JPH3: variants seen among roughly 807,000 people sequenced by gnomAD.
JPH3 encodes the protein junctophilin-3.
A neutral mutation model predicts 59.6 loss-of-function variants in JPH3; 11 were observed. The ratio of observed to expected loss-of-function variants is 0.18; its 90% CI spans 0.12 to 0.31. The LOEUF (loss-of-function observed/expected upper bound fraction) is 0.31. Ranked by LOEUF, JPH3 falls within the 10% of genes least tolerant of loss-of-function variation. JPH3 has a pLI of 1.00. For synonymous variants in JPH3, 673 were observed against 483.6 expected (o/e 1.39, Z -5.14); for missense variants, 1,202 against 1,105.7 (o/e 1.09, Z -1.24).
At chr16:87,680,672 G>C (rs1254659889) in intron 2 of JPH3, among the ~76,000 whole-genome samples, 1 of 152,144 alleles carries the variant, frequency 6.6e-6, no homozygotes, top group African/African-American at 2.4e-5. Context: ...CCACAGGTGG[G>C]AGCCATAGGC....
intron 1 of JPH3, among the ~76,000 whole-genome samples, chr16:87,633,520 G>C (rs2031632642): frequency 6.6e-6 from 1 of 151,744 alleles, no homozygotes; most frequent in African/African-American, 2.4e-5. Context: ...TTAAATGATG[G>C]GCGGGGCGCG....
intron 2 of JPH3, among the ~76,000 whole-genome samples, chr16:87,656,805 G>A (rs2032517481): frequency 6.6e-6 from 1 of 152,150 alleles, no homozygotes; most frequent in Non-Finnish European, 1.5e-5. Context: ...ACGATAGAGT[G>A]GGTGGCAGAA....
chr16:87,613,308 C>T (rs1315707386), intron 1 of JPH3, among the ~76,000 whole-genome samples: 3 of 151,550 alleles, frequency 2.0e-5, no homozygotes, highest in Non-Finnish European at 2.9e-5. Flanking sequence ...ACCGTGTTAG[C>T]CAGGATGGTC....
Position 87,677,844 on chromosome 16 carries a change from C to G in JPH3, c.1161-6298C>G, listed in dbSNP as rs114428346. On this transcript the variant is annotated intron_variant, in intron 2 of 4. Coordinates refer to ENST00000284262, the MANE Select transcript of JPH3 (RefSeq NM_020655.4). ...AACCACAATCACAGAATTGTGTAAACGAGGTAAAGCCGGAGGCCTGAGATT... is the reference window on the plus strand; with the variant it reads ...AACCACAATCACAGAATTGTGTAAAGGAGGTAAAGCCGGAGGCCTGAGATT... Among the ~76,000 whole-genome samples the G allele has an allele frequency of 8.9e-3, 1,363 of 152,308 alleles. 15 individuals are homozygous for G. The highest frequency in any genetic ancestry group is 0.031 in the African/African-American group (1,304 of 41,552).
intron 1 of JPH3, among the ~76,000 whole-genome samples, chr16:87,636,826 T>G (rs2031765367): frequency 6.6e-6 from 1 of 152,200 alleles, no homozygotes; most frequent in South Asian, 2.1e-4. Context: ...CGCTTAAACC[T>G]AGAGGTGGGT....
At position 87,690,571 on chromosome 16, in the gene JPH3, A is replaced by C. The variant is rs370391919; in HGVS notation, c.2166+45A>C. 2.2e-5 allele frequency: 32 copies of C among 1,426,302 alleles called. No homozygotes were observed. In the African/African-American group the frequency reaches 3.9e-4, roughly 17 times the overall value. 88.4% of individuals were successfully genotyped at this position (1,426,302 alleles called of 1,614,324 possible). Reference sequence around the variant, plus strand: ...GCTGGTCCCAGTGGAGGCAACATCCACCTCTCTGCTGACCTGGTGTTTCCT... The same window carrying C: ...GCTGGTCCCAGTGGAGGCAACATCCCCCTCTCTGCTGACCTGGTGTTTCCT... On this transcript the variant is annotated intron_variant, in intron 4 of 4. Coordinates refer to ENST00000284262, the MANE Select transcript of JPH3 (RefSeq NM_020655.4).
chr16:87,660,326 A>G (rs1295527226), intron 2 of JPH3, among the ~76,000 whole-genome samples: 5 of 152,126 alleles, frequency 3.3e-5, no homozygotes, highest in Admixed American at 6.5e-5. Flanking sequence ...AGGGGGCTGC[A>G]GGGAGGGCAC....
At chr16:87,657,677 C>T (rs1175542360) in intron 2 of JPH3, among the ~76,000 whole-genome samples, 2 of 152,196 alleles carry the variant, frequency 1.3e-5, no homozygotes, top group Admixed American at 1.3e-4. Flanking sequence ...CCTCTTCTGT[C>T]TTGAGCCAGT....
chr16:87,659,665 G>A (rs35978140), intron 2 of JPH3, among the ~76,000 whole-genome samples: 5,635 of 151,928 alleles, frequency 0.037, 141 homozygotes, highest in South Asian at 0.063. Context: ...CGCAGGAGAC[G>A]AAGGTTGCAG....
intron 1 of JPH3, among the ~76,000 whole-genome samples, chr16:87,615,346 G>A (rs956695319): frequency 1.3e-5 from 2 of 152,184 alleles, no homozygotes; most frequent in South Asian, 4.1e-4. Flanking sequence ...CCCCCTTCCG[G>A]AGGCCCCGTA....
At chr16:87,645,603 G>C (rs2032120758) in intron 2 of JPH3, among the ~76,000 whole-genome samples, 1 of 152,232 alleles carries the variant, frequency 6.6e-6, no homozygotes, top group Admixed American at 6.5e-5. Flanking sequence ...TTCTGAATCG[G>C]CTGCATGACT....
Position 87,684,280 on chromosome 16 carries a change from G to A in JPH3, c.1285+14G>A, listed in dbSNP as rs780314293. 8 of 1,613,512 alleles carry A rather than the reference G, an allele frequency of 5.0e-6. No homozygotes were observed. Among genetic ancestry groups the A allele is most frequent in the Non-Finnish European group, 6.8e-6 (8 of 1,179,784 alleles). On this transcript the variant is annotated intron_variant, in intron 3 of 4. Coordinates refer to ENST00000284262, the MANE Select transcript of JPH3 (RefSeq NM_020655.4). The stretch of plus-strand genomic sequence containing the variant: ...ACCGGGAAAACGGTGAGTCTCGCCG[G>A]GCCTGATACTGGCATCGTGGGGAGG...
At chr16:87,604,543 C>T (rs529160036) in intron 1 of JPH3, 1 of 1,257,806 alleles carries the variant, frequency 8.0e-7, no homozygotes, top group South Asian at 1.5e-5. Flanking sequence ...TCGGGCGGCT[C>T]GCCTGTTTCA....
In JPH3 at chr16:87,614,895, CGGG is replaced by C. The variant is rs2030894814; in HGVS notation, c.382+11368_382+11370del. Among the ~76,000 whole-genome samples the C allele has an allele frequency of 6.2e-5, 7 of 112,366 alleles. 1 individual carries two copies. The highest frequency in any genetic ancestry group is 1.8e-4 in the Admixed American group (2 of 10,932). 73.7% of individuals were successfully genotyped at this position (112,366 alleles called of 152,430 possible). ...ACACGAGGAGCCGCGCGTCCCCTCC[CGGG>C]ATAAACGCTGGTCCCTGCACACACG... On this transcript the variant is annotated intron_variant, in intron 1 of 4. Transcript: ENST00000284262.
In JPH3 at chr16:87,617,180, G is replaced by A. The variant is rs367801875; in HGVS notation, c.382+13652G>A. Among the ~76,000 whole-genome samples, 144 of 152,300 alleles carry A rather than the reference G, an allele frequency of 9.5e-4. 1 individual carries two copies. The highest frequency in any genetic ancestry group is 3.4e-3 in the Middle Eastern group (1 of 294). ...GGAGGTTGCAGTGAGCCGAGATTGC[G>A]CCGTTGCACTCCAGCCTGGGTGACA... is the stretch of plus-strand genomic sequence containing the variant. On this transcript the variant is annotated intron_variant, in intron 1 of 4. Coordinates refer to ENST00000284262, the MANE Select transcript of JPH3 (RefSeq NM_020655.4).
At chr16:87,625,952 C>A (rs1366261923) in intron 1 of JPH3, among the ~76,000 whole-genome samples, 1 of 152,224 alleles carries the variant, frequency 6.6e-6, no homozygotes, top group Non-Finnish European at 1.5e-5. Context: ...AGCGCACGTT[C>A]CACGGGACAG....
chr16:87,664,424 A>T (rs58570171), intron 2 of JPH3, among the ~76,000 whole-genome samples: 13,380 of 151,058 alleles, frequency 0.089, 679 homozygotes, highest in African/African-American at 0.11. Flanking sequence ...CAGGAGTTCG[A>T]GACCAGCCTG....
intron 2 of JPH3, among the ~76,000 whole-genome samples, chr16:87,675,547 G>A (rs190630381): frequency 9.8e-5 from 15 of 152,320 alleles, no homozygotes; most frequent in Non-Finnish European, 1.3e-4. Flanking sequence ...CCGGCAGCCC[G>A]CAGTGGCACA....
intron 1 of JPH3, among the ~76,000 whole-genome samples, chr16:87,603,735 G>C (rs2030361749): frequency 6.6e-6 from 1 of 152,232 alleles, no homozygotes. Context: ...TGTGCCAGCT[G>C]AAGGGTGTTG....
Sources: allele counts gnomAD v4.1 joint callset (sites outside exome capture counted in the v4.1 genomes callset), GRCh38; gene constraint gnomAD v4.1.1; transcripts MANE v1.5; gene names NCBI Gene and HGNC (gene_info 2026-07-23, HGNC 2026-07-21).